Variants in LATS2 observed in about 807,000 individuals in gnomAD.
LATS2 encodes serine/threonine-protein kinase LATS2.
Under a neutral mutation model 76.0 loss-of-function variants are expected in LATS2, and 24 were observed. That is an observed-to-expected ratio of 0.32 (90% confidence interval 0.23 to 0.44). The LOEUF (loss-of-function observed/expected upper bound fraction) is 0.44. Ranked by LOEUF, LATS2 falls within the 20% of genes least tolerant of loss-of-function variation. LATS2 has a pLI of 1.00. For missense variants in LATS2, 1,286 were observed against 1,481.2 expected (o/e 0.87, Z 2.16); for synonymous variants, 692 against 635.4 (o/e 1.09, Z -1.34).
Position 21,002,104 on chromosome 13 carries a change from G to A in LATS2, c.343-10700C>T, listed in dbSNP as rs954049987. On this transcript the variant is annotated intron_variant, in intron 2 of 7. Transcript: ENST00000382592. ...AATTTTTTGTATTTTTAGTAGAGAC[G>A]GGGTTTCACCATGTTAGCTAAGATG... Among the ~76,000 whole-genome samples, 9 of 151,376 alleles carry A rather than the reference G, an allele frequency of 5.9e-5. No homozygotes were observed. In the East Asian group the frequency reaches 1.0e-3, roughly 17 times the overall value.
intron 2 of LATS2, among the ~76,000 whole-genome samples, chr13:21,045,322 C>G (rs945380474): frequency 2.6e-5 from 4 of 152,102 alleles, no homozygotes; most frequent in African/African-American, 7.2e-5. Flanking sequence ...GGAAGCCAGT[C>G]TCTTTCCACG....
At chr13:21,042,250 G>C (rs1475249743) in intron 2 of LATS2, among the ~76,000 whole-genome samples, 1 of 152,046 alleles carries the variant, frequency 6.6e-6, no homozygotes, top group East Asian at 1.9e-4. Flanking sequence ...AAATACCCTT[G>C]AGTCTTTTAC....
At chr13:21,030,804 A>T (rs1872507368) in intron 2 of LATS2, among the ~76,000 whole-genome samples, 1 of 152,114 alleles carries the variant, frequency 6.6e-6, no homozygotes. Flanking sequence ...ATACTTATTG[A>T]TATCTACTGT....
At position 20,988,609 on chromosome 13, in the gene LATS2, G is replaced by C. The variant is rs1225626637; in HGVS notation, c.1171C>G (p.Arg391Gly). The C allele has an allele frequency of 2.5e-6, 4 of 1,589,364 alleles. No homozygotes were observed. In the South Asian group the frequency reaches 4.4e-5, roughly 18 times the overall value. Residue 391 changes from arginine to glycine, a missense_variant, in exon 4 of 8, where the codon CGC (arginine) becomes GGC (glycine). Around this residue, in one of 5 missense-constraint regions of LATS2, gnomAD observed 710 missense variants for 660.9 expected, o/e 1.07. Coordinates refer to ENST00000382592, the MANE Select transcript of LATS2 (RefSeq NM_014572.3). The part of the protein sequence containing the change: ...LQKPGLEAPP[R>G]AHVAFRPDCP... ...TCAGGCCGGAAGGCCACGTGCGCGC[G>C]CGGCGGCGCCTCCAGGCCCGGCTTC...
chr13:21,047,544 G>T (rs760140371), intron 1 of LATS2, among the ~76,000 whole-genome samples: 1 of 152,102 alleles, frequency 6.6e-6, no homozygotes, highest in Non-Finnish European at 1.5e-5. Flanking sequence ...AGCAGATTTC[G>T]AAGGATAATC....
chr13:21,017,600 C>A (rs766266362), intron 2 of LATS2, among the ~76,000 whole-genome samples: 1 of 150,162 alleles, frequency 6.7e-6, no homozygotes, highest in Non-Finnish European at 1.5e-5. Context: ...CAGTGCCTTC[C>A]CTTCAAAAGA....
intron 4 of LATS2, among the ~76,000 whole-genome samples, chr13:20,985,574 A>G (rs1274199554): frequency 1.3e-5 from 2 of 151,838 alleles, no homozygotes; most frequent in Non-Finnish European, 2.9e-5. Context: ...CCCCGTCTCT[A>G]CTAAACATAC....
chr13:21,037,270 G>A (rs1402916655), intron 2 of LATS2, among the ~76,000 whole-genome samples: 5 of 152,132 alleles, frequency 3.3e-5, no homozygotes, highest in African/African-American at 1.2e-4. Context: ...CAGGCATGAC[G>A]GTGGGTGCCT....
At chr13:20,996,968 G>A (rs1432515934) in intron 2 of LATS2, among the ~76,000 whole-genome samples, 2 of 152,220 alleles carry the variant, frequency 1.3e-5, no homozygotes, top group Non-Finnish European at 2.9e-5. Flanking sequence ...CAGACACCCC[G>A]AGGGGCCTGG....
chr13:21,047,398 TTATA>T (rs1226943319), intron 1 of LATS2, among the ~76,000 whole-genome samples: 1 of 152,130 alleles, frequency 6.6e-6, no homozygotes, highest in Non-Finnish European at 1.5e-5. Flanking sequence ...TGATGAATGT[TTATA>T]TAACCAGCTG....
chr13:21,036,699 G>T (rs920361507), intron 2 of LATS2, among the ~76,000 whole-genome samples: 1 of 152,034 alleles, frequency 6.6e-6, no homozygotes, highest in Non-Finnish European at 1.5e-5. Context: ...CTTGAACCTG[G>T]GACACGGAGG....
chr13:20,979,632 G>T, intron 7 of LATS2, 59 bp downstream of exon 7: 2 of 876,026 alleles, frequency 2.3e-6, no homozygotes, highest in Non-Finnish European at 3.8e-6. Flanking sequence ...AAAGATTCAT[G>T]GGTACATGAG....
chr13:21,044,570 T>C (rs546935863), intron 2 of LATS2, among the ~76,000 whole-genome samples: 2 of 152,214 alleles, frequency 1.3e-5, no homozygotes, highest in South Asian at 2.1e-4. Context: ...ATTTCACTAA[T>C]TACATTTTTA....
chr13:21,008,300 G>A (rs1871438713), intron 2 of LATS2, among the ~76,000 whole-genome samples: 1 of 152,078 alleles, frequency 6.6e-6, no homozygotes, highest in South Asian at 2.1e-4. Context: ...GGACCTCTTT[G>A]GCTCTTGCTG....
At chr13:21,031,451 C>A (rs1227618989) in intron 2 of LATS2, among the ~76,000 whole-genome samples, 1 of 152,066 alleles carries the variant, frequency 6.6e-6, no homozygotes, top group Non-Finnish European at 1.5e-5. Context: ...TTTCTACTGC[C>A]GTACCTAATG....
chr13:21,052,056 G>A (rs112594749), intron 1 of LATS2, among the ~76,000 whole-genome samples: 9 of 152,166 alleles, frequency 5.9e-5, no homozygotes, highest in African/African-American at 1.4e-4. Flanking sequence ...GGCACTGAGC[G>A]TGTGGTCTGA....
Position 20,981,625 on chromosome 13 carries a change from T to C in LATS2, c.2506A>G (p.Met836Val). Residue 836 changes from methionine to valine, a missense_variant, in exon 6 of 8, where the codon ATG becomes GTG. Coordinates refer to ENST00000382592, the MANE Select transcript of LATS2 (RefSeq NM_014572.3). ...QKGSHVRQDS[M>V]EPSDLWDDVS... Reference sequence around the variant, plus strand: ...TCATCCCAGAGGTCGCTGGGCTCCATGCTGTCCTGTCTGACATGGCTCCCT... The same window carrying C: ...TCATCCCAGAGGTCGCTGGGCTCCACGCTGTCCTGTCTGACATGGCTCCCT... 6.2e-7 allele frequency: 1 copy of C among 1,611,838 alleles called. No individual in the cohort carries two copies. Among genetic ancestry groups the C allele is most frequent in the Non-Finnish European group, 8.5e-7 (1 of 1,179,198 alleles).
chr13:21,036,928 A>G (rs1211135211), intron 2 of LATS2, among the ~76,000 whole-genome samples: 1 of 152,256 alleles, frequency 6.6e-6, no homozygotes, highest in Non-Finnish European at 1.5e-5. Flanking sequence ...CCCACTTGGC[A>G]ATACAAATAA....
chr13:20,993,635 G>T (rs762480973), intron 2 of LATS2, among the ~76,000 whole-genome samples: 1 of 152,114 alleles, frequency 6.6e-6, no homozygotes, highest in African/African-American at 2.4e-5. Context: ...TTGTTAAAGT[G>T]GCGCCTGGAC....
Sources: allele counts gnomAD v4.1 joint callset (sites outside exome capture counted in the v4.1 genomes callset), GRCh38; gene constraint gnomAD v4.1.1; regional missense constraint gnomAD v4.1.1; transcripts MANE v1.5; gene names NCBI Gene and HGNC (gene_info 2026-07-23, HGNC 2026-07-21).